The following SPMIP7 variants were observed in gnomAD, a reference collection of about 807,000 sequenced individuals.
The protein encoded by SPMIP7 is protein SPMIP7.
chr7:50,112,540 A>G, the SPMIP7 span, among the ~76,000 whole-genome samples: 6 of 152,296 alleles, frequency 3.9e-5, no homozygotes, highest in Middle Eastern at 6.8e-3. Flanking sequence ...TGATAAGCAA[A>G]GTAATGAATA....
chr7:50,125,183 CACATATAT>C, the SPMIP7 span, among the ~76,000 whole-genome samples: 38,930 of 105,750 alleles, frequency 0.37, 10,825 homozygotes, highest in East Asian at 0.46. Context: ...CATATATATA[CACATATAT>C]ACACATATAT....
At chr7:50,112,696 G>A in the SPMIP7 span, among the ~76,000 whole-genome samples, 1 of 152,098 alleles carries the variant, frequency 6.6e-6, no homozygotes, top group African/African-American at 2.4e-5. Flanking sequence ...GGAAACTAAC[G>A]ATGTGAGCCC....
At chr7:50,146,457 A>C in the SPMIP7 span, among the ~76,000 whole-genome samples, 1 of 152,236 alleles carries the variant, frequency 6.6e-6, no homozygotes. Context: ...TGAAGATCCC[A>C]AGAACACAGG....
the SPMIP7 span, chr7:50,140,267 C>A: frequency 2.8e-6 from 2 of 707,538 alleles, no homozygotes. Context: ...GTTGTATTCA[C>A]TTTTTAAGAC....
the SPMIP7 span, among the ~76,000 whole-genome samples, chr7:50,117,958 G>C: frequency 1.3e-5 from 2 of 152,272 alleles, no homozygotes; most frequent in East Asian, 3.9e-4. Flanking sequence ...ATCACGAACT[G>C]CCATTATTAA....
At chr7:50,120,259 A>G in the SPMIP7 span, 1 of 152,348 alleles carries the variant, frequency 6.6e-6, no homozygotes. Context: ...GTTTCTAACG[A>G]GGTTCCTGGA....
At chr7:50,099,638 A>T in the SPMIP7 span, among the ~76,000 whole-genome samples, 1 of 152,182 alleles carries the variant, frequency 6.6e-6, no homozygotes, top group Non-Finnish European at 1.5e-5. Flanking sequence ...ATTTTTGTTC[A>T]CTTGCTCTGT....
the SPMIP7 span, among the ~76,000 whole-genome samples, chr7:50,137,878 GT>G: frequency 6.6e-6 from 1 of 152,030 alleles, no homozygotes; most frequent in African/African-American, 2.4e-5. Context: ...CAACTTTTCT[GT>G]TCAATATTCT....
the SPMIP7 span, among the ~76,000 whole-genome samples, chr7:50,148,669 C>T: frequency 1.3e-5 from 2 of 152,104 alleles, no homozygotes; most frequent in Admixed American, 6.5e-5. Flanking sequence ...AACAAAATTC[C>T]AAAAAATCCT....
the SPMIP7 span, among the ~76,000 whole-genome samples, chr7:50,132,315 A>C: frequency 2.6e-5 from 4 of 152,132 alleles, no homozygotes; most frequent in African/African-American, 4.8e-5. Context: ...AATGGCTCAT[A>C]AATTCCTCTC....
chr7:50,156,929 C>T, the SPMIP7 span, among the ~76,000 whole-genome samples: 1 of 152,138 alleles, frequency 6.6e-6, no homozygotes, highest in South Asian at 2.1e-4. Flanking sequence ...ATCTCCCGTG[C>T]CTCCTGCCTT....
At chr7:50,154,727 T>TGAGTA in the SPMIP7 span, among the ~76,000 whole-genome samples, 1 of 152,374 alleles carries the variant, frequency 6.6e-6, no homozygotes, top group South Asian at 2.1e-4. Context: ...CCTTTGAGTG[T>TGAGTA]ATCTCCAGAG....
chr7:50,125,375 C>CAT, the SPMIP7 span, among the ~76,000 whole-genome samples: 13 of 87,760 alleles, frequency 1.5e-4, no homozygotes, highest in East Asian at 3.2e-4. Context: ...CATATATATA[C>CAT]ACATATACAC....
chr7:50,152,548 G>A, the SPMIP7 span, among the ~76,000 whole-genome samples: 704 of 152,274 alleles, frequency 4.6e-3, 3 homozygotes, highest in African/African-American at 0.016. Flanking sequence ...GCCCAGTGCA[G>A]ATGAATATGC....
the SPMIP7 span, chr7:50,104,182 A>C: frequency 2.3e-6 from 1 of 426,882 alleles, no homozygotes; most frequent in African/African-American, 2.0e-5. Context: ...GATCCAGAAA[A>C]GTTATTAAAT....
the SPMIP7 span, among the ~76,000 whole-genome samples, chr7:50,147,924 A>G: frequency 1.1e-4 from 17 of 152,322 alleles, no homozygotes; most frequent in Admixed American, 3.9e-4. Context: ...GCGTCTCTCT[A>G]CTTTCCTCAA....
the SPMIP7 span, among the ~76,000 whole-genome samples, chr7:50,132,374 T>A: frequency 6.6e-6 from 1 of 152,202 alleles, no homozygotes; most frequent in East Asian, 1.9e-4. Flanking sequence ...ATTTTAATTT[T>A]AAAAATTCCA....
chr7:50,129,717 G>T, the SPMIP7 span: 2 of 1,541,270 alleles, frequency 1.3e-6, no homozygotes, highest in Non-Finnish European at 1.8e-6. Flanking sequence ...TGCCTTCTAG[G>T]ATGAAGGTGA....
At chr7:50,153,707 C>T in the SPMIP7 span, among the ~76,000 whole-genome samples, 1 of 152,150 alleles carries the variant, frequency 6.6e-6, no homozygotes, top group Non-Finnish European at 1.5e-5. Flanking sequence ...TGGGAGGGGG[C>T]ACTAGAGAAG....
Sources: allele counts gnomAD v4.1 joint callset (sites outside exome capture counted in the v4.1 genomes callset), GRCh38; gene constraint gnomAD v4.1.1; transcripts MANE v1.5; gene names NCBI Gene and HGNC (gene_info 2026-07-23, HGNC 2026-07-21).